SETD5: variants seen among roughly 807,000 people sequenced by gnomAD.
SETD5 encodes the protein histone-lysine N-methyltransferase SETD5.
In SETD5, 44 loss-of-function variants were observed where a neutral mutation model predicts 153.3. The observed-to-expected ratio is 0.29, with a 90% CI of 0.23 to 0.37. SETD5 has a LOEUF of 0.37. SETD5 is among the 10% of genes least tolerant of loss of function. SETD5 has a pLI of 1.00. For missense variants in SETD5, 1,544 were observed against 1,768.0 expected, an observed-to-expected ratio of 0.87 and a Z score of 2.27; for synonymous variants, 716 against 645.2, an observed-to-expected ratio of 1.11 and a Z score of -1.66.
At chr3:9,447,015 A>G (rs781201320) in intron 13 of SETD5, 35 bp from the exon 14 acceptor site, 166 of 1,534,438 alleles carry the variant, frequency 1.1e-4, no homozygotes, top group South Asian at 5.9e-4. Context: ...TCCTCATTTG[A>G]AGCTTCCTTC....
chr3:9,440,942 G>A (rs2041203673), intron 8 of SETD5, among the ~76,000 whole-genome samples: 1 of 152,044 alleles, frequency 6.6e-6, no homozygotes, highest in African/African-American at 2.4e-5. Context: ...CAGTGCAGTG[G>A]CTCACTCCTA....
At chr3:9,401,776 A>G (rs557055283) in intron 1 of SETD5, among the ~76,000 whole-genome samples, 8 of 152,342 alleles carry the variant, frequency 5.3e-5, no homozygotes, top group African/African-American at 1.9e-4. Context: ...TCATCAGTTT[A>G]ATTTGAAGTC....
intron 17 of SETD5, among the ~76,000 whole-genome samples, chr3:9,463,401 G>A (rs548024292): frequency 6.6e-6 from 1 of 152,314 alleles, no homozygotes; most frequent in East Asian, 1.9e-4. Context: ...ACCTAGTTCA[G>A]TAATCAGTAG....
chr3:9,453,548 A>G (rs904473124), intron 16 of SETD5, among the ~76,000 whole-genome samples, 191 bp from the exon 17 acceptor site: 6 of 152,132 alleles, frequency 3.9e-5, no homozygotes, highest in African/African-American at 1.4e-4. Context: ...GATTTCCTCA[A>G]GTTTTTCAGT....
At chr3:9,462,976 T>C (rs1303313540) in intron 17 of SETD5, among the ~76,000 whole-genome samples, 1 of 152,070 alleles carries the variant, frequency 6.6e-6, no homozygotes, top group African/African-American at 2.4e-5. Flanking sequence ...ATGATCACCT[T>C]TCTTGATCAT....
chr3:9,431,545 A>G, intron 3 of SETD5: 3 of 984,706 alleles, frequency 3.0e-6, no homozygotes, highest in Non-Finnish European at 3.6e-6. Flanking sequence ...TTCAATCAGT[A>G]ACCAATATGG....
In SETD5 at chr3:9,470,305, C is replaced by T. The variant is rs548653125; in HGVS notation, c.2725-154C>T. On this transcript the variant is annotated intron_variant, in intron 18 of 22. Transcript: ENST00000402198. ...CTCTGGCCCATGTACACTGTTGCTACGTGGGACTTTTACAGAATATAATGG... is the reference window on the plus strand; with the variant it reads ...CTCTGGCCCATGTACACTGTTGCTATGTGGGACTTTTACAGAATATAATGG... 6.6e-5 allele frequency among the ~76,000 whole-genome samples: 10 copies of T among 152,296 alleles called. No individual in the cohort carries two copies. In the South Asian group the frequency reaches 1.7e-3, roughly 25 times the overall value.
At chr3:9,448,663 T>G (rs780242729) in intron 16 of SETD5, 33 bp downstream of exon 16, 1 of 1,484,018 alleles carries the variant, frequency 6.7e-7, no homozygotes, top group Non-Finnish European at 9.0e-7. Flanking sequence ...GTGTTGTGTT[T>G]ATGTGTGTGT....
At chr3:9,436,020 T>G in intron 7 of SETD5, 114 bp downstream of exon 7, 6 of 979,522 alleles carry the variant, frequency 6.1e-6, no homozygotes, top group Non-Finnish European at 9.0e-6. Flanking sequence ...GAAGGGCCAC[T>G]TTTGTTCTAC....
At chr3:9,421,148 T>A (rs541288692) in intron 1 of SETD5, among the ~76,000 whole-genome samples, 2 of 152,106 alleles carry the variant, frequency 1.3e-5, no homozygotes, top group Admixed American at 6.5e-5. Flanking sequence ...GTGCCAGGAT[T>A]CATAGAAATT....
chr3:9,405,793 CG>C (rs1479471139), intron 1 of SETD5, among the ~76,000 whole-genome samples: 2 of 152,064 alleles, frequency 1.3e-5, no homozygotes, highest in African/African-American at 4.8e-5. Context: ...CCTTGTTTGT[CG>C]TTTTGTATGA....
In SETD5 at chr3:9,447,717, C is replaced by G; in HGVS notation, c.1814C>G (p.Pro605Arg). 6.2e-7 allele frequency: 1 copy of G among 1,613,926 alleles called. No homozygotes were observed. The highest frequency in any genetic ancestry group is 1.1e-5 in the South Asian group (1 of 91,080). Reference protein sequence around the residue: ...DIAAEKLVPKPPPAKPSRPRP... With the variant: ...DIAAEKLVPKRPPAKPSRPRP... ...GCTGCAGAAAAACTAGTCCCCAAGC[C>G]ACCTCCAGCAAAGCCTTCTAGGCCC... Residue 605 changes from proline to arginine, a missense_variant, in exon 15 of 23, where the codon CCA becomes CGA. Coordinates refer to ENST00000402198, the MANE Select transcript of SETD5 (RefSeq NM_001080517.3).
intron 22 of SETD5, 39 bp from the exon 23 acceptor site, chr3:9,475,444 T>C (rs754195389): frequency 3.8e-6 from 6 of 1,574,774 alleles, no homozygotes; most frequent in Non-Finnish European, 5.2e-6. Context: ...TTAAGGGACT[T>C]GTTCGCGTCC....
At chr3:9,473,572 G>C in intron 20 of SETD5, 35 bp downstream of exon 20, 1 of 1,557,016 alleles carries the variant, frequency 6.4e-7, no homozygotes. Flanking sequence ...AGTTAAATTG[G>C]GGGTGGGGGG....
At chr3:9,439,582 G>A (rs1382572788) in intron 7 of SETD5, among the ~76,000 whole-genome samples, 2 of 152,268 alleles carry the variant, frequency 1.3e-5, no homozygotes, top group South Asian at 2.1e-4. Flanking sequence ...TGGCACTTAA[G>A]TCTTGAACAC....
At chr3:9,431,574 A>T in intron 3 of SETD5, 2 of 985,686 alleles carry the variant, frequency 2.0e-6, no homozygotes, top group Non-Finnish European at 2.4e-6. Flanking sequence ...GAGTTTCTTC[A>T]TCAGAAGATA....
At chr3:9,455,119 TTTTTAGA>T (rs1262271438) in intron 17 of SETD5, among the ~76,000 whole-genome samples, 1 of 151,716 alleles carries the variant, frequency 6.6e-6, no homozygotes, top group Non-Finnish European at 1.5e-5. Context: ...ATTTTACTTC[TTTTTAGA>T]TTTTATTTCA....
chr3:9,457,599 A>G (rs1480381217), intron 17 of SETD5, among the ~76,000 whole-genome samples: 1 of 151,074 alleles, frequency 6.6e-6, no homozygotes, highest in East Asian at 1.9e-4. Flanking sequence ...TTATATACCA[A>G]GAAAGTAAAT....
intron 1 of SETD5, among the ~76,000 whole-genome samples, chr3:9,418,921 G>A (rs984226621): frequency 6.6e-6 from 1 of 152,030 alleles, no homozygotes; most frequent in Admixed American, 6.5e-5. Context: ...CCACCTCCTG[G>A]ATTCAAGCGA....
Sources: allele counts gnomAD v4.1 joint callset (sites outside exome capture counted in the v4.1 genomes callset), GRCh38; gene constraint gnomAD v4.1.1; transcripts MANE v1.5; gene names NCBI Gene and HGNC (gene_info 2026-07-23, HGNC 2026-07-21).